The following APOA1 variants were observed in gnomAD, a reference collection of about 807,000 sequenced individuals.
The protein encoded by APOA1 is apolipoprotein A1, also known as apolipoprotein A-I.
APOA1 carries 22 observed loss-of-function variants against 25.9 expected under a neutral mutation model. That is an observed-to-expected ratio of 0.85 (90% CI 0.61 to 1.21). The LOEUF is 1.21. Ranked by LOEUF, APOA1 falls within the 50% of genes most tolerant of loss-of-function variation. APOA1 has a pLI of 0.00. For missense variants in APOA1, 351 were observed against 347.9 expected, an observed-to-expected ratio of 1.01 and a Z score of -0.07; for synonymous variants, 163 against 152.2, an observed-to-expected ratio of 1.07 and a Z score of -0.52.
chr11:116,837,087 C>G lies in APOA1; in HGVS notation c.114G>C (p.Leu38=), dbSNP rs772574430. Reference sequence around the variant, plus strand: ...TGAGCACATCCACGTACACAGTGGCCAGGTCCTTCACTCGATCCCAGGGGC... The same window carrying G: ...TGAGCACATCCACGTACACAGTGGCGAGGTCCTTCACTCGATCCCAGGGGC... ...PQSPWDRVKD[L]ATVYVDVLKD... Residue 38 remains leucine (L), a synonymous_variant, in exon 3 of 4, where the codon CTG becomes CTC. Coordinates refer to ENST00000236850, the MANE Select transcript of APOA1 (RefSeq NM_000039.3). The G allele has an allele frequency of 6.2e-7, 1 of 1,614,134 alleles. No homozygotes were observed. Among genetic ancestry groups the G allele is most frequent in the South Asian group, 1.1e-5 (1 of 91,078 alleles).
intron 3 of APOA1, 34 bp downstream of exon 3, chr11:116,836,966 CT>C: frequency 6.2e-7 from 1 of 1,611,542 alleles, no homozygotes. Context: ...CCTCTGCCCC[CT>C]ACCCCTGCCC....
At position 116,835,970 on chromosome 11, in the gene APOA1, G is replaced by T. The variant is rs375529707; in HGVS notation, c.642C>A (p.Ala214=). 5 of 1,610,602 alleles carry T rather than the reference G, an allele frequency of 3.1e-6. No individual in the cohort carries two copies. Among genetic ancestry groups the T allele is most frequent in the Non-Finnish European group, 4.2e-6 (5 of 1,179,892 alleles). Residue 214 remains alanine, a synonymous_variant, in exon 4 of 4, where the codon GCC becomes GCA. Transcript: ENST00000236850. Reference sequence around the variant, plus strand: ...GCTCGGTGGCCTTGGCGTGGTACTCGGCCAGTCTGGCGCCGCCGTTCTCCT... The same window carrying T: ...GCTCGGTGGCCTTGGCGTGGTACTCTGCCAGTCTGGCGCCGCCGTTCTCCT... ...ALKENGGARL[A]EYHAKATEHL...
Position 116,836,047 on chromosome 11 carries a change from G to A in APOA1, c.565C>T (p.Pro189Ser), listed in dbSNP as rs1591329787. Residue 189 changes from proline (P) to serine (S), a missense_variant, in exon 4 of 4, where the codon CCC (proline) becomes TCC (serine). By Grantham distance (74) the Pro-to-Ser change is moderately conservative. Coordinates refer to ENST00000236850, the MANE Select transcript of APOA1 (RefSeq NM_000039.3). ...HVDALRTHLAPYSDELRQRLA... is the reference protein window; with the variant it reads ...HVDALRTHLASYSDELRQRLA... ...CGCTGGCGCAGCTCGTCGCTGTAGGGGGCCAGATGCGTGCGCAGCGCGTCC... is the reference window on the plus strand; with the variant it reads ...CGCTGGCGCAGCTCGTCGCTGTAGGAGGCCAGATGCGTGCGCAGCGCGTCC... 6.2e-7 allele frequency: 1 copy of A among 1,605,092 alleles called. No homozygotes were observed. The highest frequency in any genetic ancestry group is 1.1e-5 in the South Asian group (1 of 90,964).
intron 3 of APOA1, among the ~76,000 whole-genome samples, 170 bp downstream of exon 3, chr11:116,836,831 G>C (rs956458573): frequency 6.6e-6 from 1 of 152,224 alleles, no homozygotes; most frequent in African/African-American, 2.4e-5. Flanking sequence ...CTTTGCAGGG[G>C]ACATGGGCTG....
Position 116,837,015 on chromosome 11 carries a change from C to T in APOA1, c.186G>A (p.Leu62=), listed in dbSNP as rs763248522. The change falls in exon 3 of 4, where the codon TTG becomes TTA. Residue 62 remains leucine (L), a synonymous_variant. Transcript: ENST00000236850. ...TGGGTCCTTACTTTAGCTGTTTTCC[C>T]AAGGCGGAGCCTTCAAACTGGGACA... ...DYVSQFEGSA[L]GKQLNLKLLD... is the part of the protein sequence containing the mutation. The T allele has an allele frequency of 1.1e-5, 18 of 1,614,054 alleles. No homozygotes were observed. Among genetic ancestry groups the T allele is most frequent in the Non-Finnish European group, 1.5e-5 (18 of 1,180,058 alleles).
chr11:116,836,111 T>A lies in APOA1; in HGVS notation c.501A>T (p.Pro167=), dbSNP rs1304187125. ...CGCGGTCGCGCATCTCCTCGCCCAG[T>A]GGGCTCAGCTTCTCTTGCAGCTCGT... ...KLHELQEKLS[P]LGEEMRDRAR... Residue 167 remains proline, a synonymous_variant, in exon 4 of 4, where the codon CCA becomes CCT. Coordinates refer to ENST00000236850, the MANE Select transcript of APOA1 (RefSeq NM_000039.3). The A allele has an allele frequency of 4.3e-6, 7 of 1,611,588 alleles. No homozygotes were observed. The highest frequency in any genetic ancestry group is 5.9e-6 in the Non-Finnish European group (7 of 1,179,784).
rs1328505102 is a variant in APOA1 at position 116,836,551 on chromosome 11, C to T, written c.201-140G>A. The stretch of plus-strand genomic sequence containing the variant: ...ACTCTCAACCAACACCCCTGCCCCG[C>T]CAGGCCATGCCCCGTTGTGCAGCTG... On this transcript the variant is annotated intron_variant, in intron 3 of 3. Transcript: ENST00000236850. 5 of 1,173,262 alleles carry T rather than the reference C, an allele frequency of 4.3e-6. No individual in the cohort carries two copies. In the African/African-American group the frequency reaches 6.1e-5, roughly 14 times the overall value. The allele number at this position is 1,173,262 out of a possible 1,614,324, so 72.7% of individuals were successfully genotyped here.
rs1013730445 is a variant in APOA1 at position 116,836,865 on chromosome 11, C to T, written c.200+136G>A. 8 of 1,018,532 alleles carry T rather than the reference C, an allele frequency of 7.9e-6. No individual in the cohort carries two copies. In the Admixed American group the frequency reaches 1.5e-4, roughly 20 times the overall value. 63.1% of individuals were successfully genotyped at this position (1,018,532 alleles called of 1,614,324 possible). ...TGTGACCCTGCCTGGAGATCCCATT[C>T]CAGTTTCTCCATCCAGACCATCTGT... On this transcript the variant is annotated intron_variant, in intron 3 of 3. Coordinates refer to ENST00000236850, the MANE Select transcript of APOA1 (RefSeq NM_000039.3).
rs1335072037 is a variant in APOA1, at chr11:116,835,841, G to A, written c.771C>T (p.Leu257=). ...TGTTGAGCTTCTTAGTGTACTCCTC[G>A]AGAGCGCTCAGGAAGCTGACCTTGA... is the stretch of plus-strand genomic sequence containing the variant. ...ESFKVSFLSA[L]EEYTKKLNTQ Residue 257 remains leucine (L), a synonymous_variant, in exon 4 of 4, where the codon CTC becomes CTT. Transcript: ENST00000236850. 17 of 1,612,998 alleles carry A rather than the reference G, an allele frequency of 1.1e-5. No individual in the cohort carries two copies. Among genetic ancestry groups the A allele is most frequent in the Middle Eastern group, 1.6e-4 (1 of 6,080 alleles).
rs1384803863 is a variant in APOA1 at position 116,836,415 on chromosome 11, G to C, written c.201-4C>G. ...CCAGTTGTCAAGGAGCTTTAGGCTG[G>C]AGGGTGAGACAGAAGGGTTGAGGGC... On this transcript the variant is annotated splice_region_variant and splice_polypyrimidine_tract_variant and intron_variant, in intron 3 of 3. Transcript: ENST00000236850. 1.2e-6 allele frequency: 2 copies of C among 1,613,534 alleles called. No individual in the cohort carries two copies. Among genetic ancestry groups the C allele is most frequent in the East Asian group, 4.5e-5 (2 of 44,892 alleles).
intron 1 of APOA1, 54 bp from the exon 2 acceptor site, chr11:116,837,461 C>G: frequency 2.0e-6 from 3 of 1,512,480 alleles, no homozygotes; most frequent in Non-Finnish European, 2.7e-6. Context: ...TGCAGAAGCC[C>G]CGTGCTCCCC....
chr11:116,836,318 G>T lies in APOA1; in HGVS notation c.294C>A (p.Asn98Lys), dbSNP rs1941547959. Residue 98 changes from asparagine (N) to lysine (K), a missense_variant, in exon 4 of 4, where the codon AAC (asparagine) becomes AAA (lysine). By Grantham distance (94) the Asn-to-Lys change is moderately conservative. Transcript: ENST00000236850. ...TCAGGCCCTCTGTCTCCTTTTCCAGGTTATCCCAGAACTCCTGGGTCACAG... is the reference window on the plus strand; with the variant it reads ...TCAGGCCCTCTGTCTCCTTTTCCAGTTTATCCCAGAACTCCTGGGTCACAG... Reference protein sequence around the residue: ...LGPVTQEFWDNLEKETEGLRQ... With the variant: ...LGPVTQEFWDKLEKETEGLRQ... 2.5e-6 allele frequency: 4 copies of T among 1,614,154 alleles called. No individual in the cohort carries two copies. Among genetic ancestry groups the T allele is most frequent in the Non-Finnish European group, 3.4e-6 (4 of 1,180,042 alleles).
At position 116,836,125 on chromosome 11, in the gene APOA1, C is replaced by T. The variant is rs1242945166; in HGVS notation, c.487G>A (p.Glu163Lys). 1.2e-6 allele frequency: 2 copies of T among 1,612,726 alleles called. No homozygotes were observed. Among genetic ancestry groups the T allele is most frequent in the South Asian group, 2.2e-5 (2 of 91,086 alleles). Residue 163 changes from glutamate to lysine, a missense_variant, in exon 4 of 4, where the codon GAG becomes AAG. By Grantham distance (56) the Glu-to-Lys change is moderately conservative. Coordinates refer to ENST00000236850, the MANE Select transcript of APOA1 (RefSeq NM_000039.3). ...TCCTCGCCCAGTGGGCTCAGCTTCTCTTGCAGCTCGTGCAGCTTCTGGCGC... is the reference window on the plus strand; with the variant it reads ...TCCTCGCCCAGTGGGCTCAGCTTCTTTTGCAGCTCGTGCAGCTTCTGGCGC... ...GARQKLHELQ[E>K]KLSPLGEEMR...
At position 116,837,360 on chromosome 11, in the gene APOA1, C is replaced by T. The variant is rs750125257; in HGVS notation, c.28G>A (p.Val10Met). The change falls in exon 2 of 4, where the codon GTG becomes ATG. Residue 10 changes from valine to methionine, a missense_variant. Val to Met is a conservative substitution (Grantham distance 21). Coordinates refer to ENST00000236850, the MANE Select transcript of APOA1 (RefSeq NM_000039.3). MKAAVLTLA[V>M]LFLTGSQARH... is the part of the protein sequence containing the mutation. The stretch of plus-strand genomic sequence containing the variant: ...GGACACCTACCCGTCAGGAAGAGCA[C>T]GGCCAAGGTCAGCACCGCAGCTTTC... 3.6e-5 allele frequency: 57 copies of T among 1,564,270 alleles called. No individual in the cohort carries two copies. Among genetic ancestry groups the T allele is most frequent in the South Asian group, 7.0e-5 (6 of 85,428 alleles).
Position 116,837,156 on chromosome 11 carries a change from C to A in APOA1, c.45G>T (p.Gly15=). 6.2e-7 allele frequency: 1 copy of A among 1,611,682 alleles called. No individual in the cohort carries two copies. The highest frequency in any genetic ancestry group is 1.3e-5 in the African/African-American group (1 of 75,016). The change falls in exon 3 of 4, where the codon GGG becomes GGT. Residue 15 remains glycine, a splice_region_variant and synonymous_variant. Coordinates refer to ENST00000236850, the MANE Select transcript of APOA1 (RefSeq NM_000039.3). The stretch of plus-strand genomic sequence containing the variant: ...GCTGCCAGAAATGCCGAGCCTGGCT[C>A]CCTGAGGGTGGGAGGGGAGACCCAG... ...VLTLAVLFLT[G]SQARHFWQQD... is the part of the protein sequence containing the mutation.
At chr11:116,837,315 G>A (rs1393597973) in intron 2 of APOA1, 30 bp downstream of exon 2, 3 of 1,578,752 alleles carry the variant, frequency 1.9e-6, no homozygotes, top group South Asian at 1.1e-5. Context: ...GCCCCCCGAT[G>A]GTTGGCTCCC....
Position 116,837,122 on chromosome 11 carries a change from G to A in APOA1, c.79C>T (p.Pro27Ser), listed in dbSNP as rs200213347. The A allele has an allele frequency of 6.8e-6, 11 of 1,613,380 alleles. No homozygotes were observed. In the South Asian group the frequency reaches 8.8e-5, roughly 13 times the overall value. ...ACTCGATCCCAGGGGCTCTGGGGGG[G>A]TTCATCTTGCTGCCAGAAATGCCGA... Reference protein sequence around the residue: ...QARHFWQQDEPPQSPWDRVKD... With the variant: ...QARHFWQQDESPQSPWDRVKD... The change falls in exon 3 of 4, where the codon CCC (proline) becomes TCC (serine). Residue 27 changes from proline (P) to serine (S), a missense_variant. Pro to Ser is a moderately conservative substitution (Grantham distance 74). Transcript: ENST00000236850.
Position 116,835,906 on chromosome 11 carries a change from C to T in APOA1, c.706G>A (p.Glu236Lys), listed in dbSNP as rs779713741. 1 of 1,613,214 alleles carries T rather than the reference C, an allele frequency of 6.2e-7. No individual in the cohort carries two copies. The highest frequency in any genetic ancestry group is 8.5e-7 in the Non-Finnish European group (1 of 1,180,016). Residue 236 changes from glutamate to lysine, a missense_variant, in exon 4 of 4, where the codon GAG (glutamate) becomes AAG (lysine). Coordinates refer to ENST00000236850, the MANE Select transcript of APOA1 (RefSeq NM_000039.3). ...TLSEKAKPAL[E>K]DLRQGLLPVL... ...GGCAGCAGGCCTTGGCGGAGGTCCT[C>T]GAGCGCGGGCTTGGCCTTCTCGCTG... is the stretch of plus-strand genomic sequence containing the variant.
chr11:116,836,461 C>T, intron 3 of APOA1, 50 bp from the exon 4 acceptor site: 1 of 1,607,984 alleles, frequency 6.2e-7, no homozygotes, highest in South Asian at 1.1e-5. Context: ...GCGCCCCAGC[C>T]TATCAGGGGT....
Sources: allele counts gnomAD v4.1 joint callset (sites outside exome capture counted in the v4.1 genomes callset), GRCh38; gene constraint gnomAD v4.1.1; transcripts MANE v1.5; gene names NCBI Gene and HGNC (gene_info 2026-07-23, HGNC 2026-07-21).